The following IRAG2 variants were observed in gnomAD, a reference collection of about 807,000 sequenced individuals.
IRAG2 encodes the protein inositol 1,4,5-triphosphate receptor associated 2.
Under a neutral mutation model 69.9 loss-of-function variants are expected in IRAG2, and 45 were observed. The ratio of observed to expected loss-of-function variants is 0.64; its 90% CI spans 0.51 to 0.83. The LOEUF is 0.83. IRAG2 is among the 40% of genes least tolerant of loss of function. The pLI, the probability that IRAG2 is intolerant of heterozygous loss-of-function variation, is 0.00. For synonymous variants in IRAG2, 193 were observed against 202.4 expected (o/e 0.95, Z 0.40); for missense variants, 520 against 587.0 (o/e 0.89, Z 1.18).
chr12:25,047,350 A>G (rs1224878181), upstream of IRAG2, among the ~76,000 whole-genome samples: 1 of 152,272 alleles, frequency 6.6e-6, no homozygotes, highest in African/African-American at 2.4e-5. Flanking sequence ...GCTTCTGCAC[A>G]GCAAAGAATA....
chr12:25,053,182 C>G (rs537851820), intron 1 of IRAG2, among the ~76,000 whole-genome samples: 1 of 151,748 alleles, frequency 6.6e-6, no homozygotes, highest in African/African-American at 2.4e-5. Flanking sequence ...TTATTATAAG[C>G]TGGTTTTGTC....
At chr12:25,065,225 G>A (rs760356461) in intron 4 of IRAG2, among the ~76,000 whole-genome samples, 2 of 152,116 alleles carry the variant, frequency 1.3e-5, no homozygotes, top group Non-Finnish European at 2.9e-5. Context: ...CCATTCAAAA[G>A]ATAAGGAAAC....
At chr12:25,090,403 G>GGT (rs1947957534) in intron 14 of IRAG2, among the ~76,000 whole-genome samples, 1 of 151,080 alleles carries the variant, frequency 6.6e-6, no homozygotes, top group Admixed American at 6.6e-5. Context: ...AAATCAGCCA[G>GGT]GTGTGATGAT....
At chr12:25,069,727 G>T (rs773332361) in intron 6 of IRAG2, among the ~76,000 whole-genome samples, 2 of 152,182 alleles carry the variant, frequency 1.3e-5, no homozygotes, top group Non-Finnish European at 2.9e-5. Flanking sequence ...TGAGAGGCAG[G>T]CTGGTTTGGG....
intron 9 of IRAG2, among the ~76,000 whole-genome samples, chr12:25,080,414 T>C (rs1036246354): frequency 1.3e-5 from 2 of 151,244 alleles, no homozygotes; most frequent in African/African-American, 2.4e-5. Flanking sequence ...TGCAGTGGCA[T>C]GATCTCAGCT....
At chr12:25,089,234 G>C (rs1947857804) in intron 11 of IRAG2, among the ~76,000 whole-genome samples, 2 of 152,108 alleles carry the variant, frequency 1.3e-5, no homozygotes, top group South Asian at 2.1e-4. Context: ...TACTACTACT[G>C]TTCCTGCTAC....
intron 9 of IRAG2, among the ~76,000 whole-genome samples, chr12:25,080,383 G>A (rs144163114): frequency 0.11 from 15,703 of 144,392 alleles, 1,117 homozygotes; most frequent in Admixed American, 0.18. Flanking sequence ...ACGGAGTCTC[G>A]TTGTGTCGCC....
chr12:25,085,592 T>C (rs1431616525), intron 10 of IRAG2, among the ~76,000 whole-genome samples: 1 of 152,182 alleles, frequency 6.6e-6, no homozygotes, highest in Non-Finnish European at 1.5e-5. Flanking sequence ...ATGAGGGGCA[T>C]GGTAGGCCAG....
At chr12:25,068,658 C>G (rs1157375562) in intron 5 of IRAG2, among the ~76,000 whole-genome samples, 2 of 152,046 alleles carry the variant, frequency 1.3e-5, no homozygotes, top group Non-Finnish European at 2.9e-5. Flanking sequence ...AGAAGATGCT[C>G]GTAATACTCA....
chr12:25,040,023 G>T (rs1944735197), intron 16 of IRAG2, among the ~76,000 whole-genome samples: 1 of 152,120 alleles, frequency 6.6e-6, no homozygotes, highest in African/African-American at 2.4e-5. Flanking sequence ...CCTTTCGATG[G>T]TTGATCTCCC....
At chr12:25,037,989 A>G (rs766219810) in exon 16 of IRAG2, 1 of 398,770 alleles carries the variant, frequency 2.5e-6, no homozygotes, top group Non-Finnish European at 4.4e-6. Flanking sequence ...CAACAATATC[A>G]TGGAAGAGAA....
chr12:25,097,779 T>C (rs1242211302), intron 15 of IRAG2, among the ~76,000 whole-genome samples: 2 of 152,248 alleles, frequency 1.3e-5, no homozygotes, highest in Non-Finnish European at 2.9e-5. Context: ...AAGTTATATA[T>C]GCACATAGTT....
intron 15 of IRAG2, chr12:25,097,300 T>G (rs1948479171): frequency 3.0e-6 from 1 of 331,104 alleles, no homozygotes; most frequent in Non-Finnish European, 5.5e-6. Context: ...AGTGTTATAA[T>G]ATAGTGTTTA....
chr12:24,998,577 C>T, the IRAG2 span, among the ~76,000 whole-genome samples: 1 of 152,148 alleles, frequency 6.6e-6, no homozygotes, highest in African/African-American at 2.4e-5. Context: ...GGGAATGTCT[C>T]AGTGAACAGA....
intron 16 of IRAG2, among the ~76,000 whole-genome samples, chr12:25,039,455 A>G (rs1402474058): frequency 2.6e-5 from 4 of 152,048 alleles, no homozygotes; most frequent in African/African-American, 4.8e-5. Context: ...TTTTGAGACG[A>G]AGTCTCGCTC....
chr12:25,052,195 C>T (rs74386676), upstream of IRAG2: 73 of 353,394 alleles, frequency 2.1e-4, no homozygotes, highest in East Asian at 2.4e-3. Context: ...TGACAGCTTG[C>T]GGTTTGGACT....
In IRAG2 at chr12:25,072,310, T is replaced by A. The variant is rs1420813646; in HGVS notation, c.24+2879T>A. On this transcript the variant is annotated intron_variant, in intron 6 of 21. Coordinates refer to ENST00000556887, the MANE Select transcript of IRAG2 (RefSeq NM_001366544.2). ...CCTGTAAGTTCCCTGAAGATTTTCTTGTGTCTTCTGTAGTTTGCAACAGCC... is the reference window on the plus strand; with the variant it reads ...CCTGTAAGTTCCCTGAAGATTTTCTAGTGTCTTCTGTAGTTTGCAACAGCC... Among the ~76,000 whole-genome samples, 55 of 152,350 alleles carry A rather than the reference T, an allele frequency of 3.6e-4. 2 individuals are homozygous for A. Among genetic ancestry groups the A allele is most frequent in the African/African-American group, 1.2e-3 (51 of 41,586 alleles).
intron 9 of IRAG2, among the ~76,000 whole-genome samples, chr12:25,082,656 TA>T (rs1358410624): frequency 5.3e-5 from 8 of 151,846 alleles, no homozygotes; most frequent in Admixed American, 1.3e-4. Context: ...AAACCTAAAA[TA>T]AAATTTTCAT....
At chr12:25,011,861 T>C (rs1219711435) in intron 3 of IRAG2, among the ~76,000 whole-genome samples, 1 of 152,190 alleles carries the variant, frequency 6.6e-6, no homozygotes, top group African/African-American at 2.4e-5. Context: ...GCACATGTGA[T>C]ACTCTCACAG....
Sources: gnomAD v4.1 joint callset for allele counts (sites outside exome capture counted in the v4.1 genomes callset) on GRCh38, gnomAD v4.1.1 for gene constraint, MANE v1.5 for transcripts, NCBI Gene and HGNC (gene_info 2026-07-23, HGNC 2026-07-21) for gene names.